Variants in TMEM117 observed in about 807,000 individuals in gnomAD.
The protein encoded by TMEM117 is transmembrane protein 117.
A neutral mutation model predicts 52.4 loss-of-function variants in TMEM117; 27 were observed. The ratio of observed to expected loss-of-function variants is 0.51; its 90% CI spans 0.38 to 0.71. The LOEUF (loss-of-function observed/expected upper bound fraction) is 0.71. Ranked by LOEUF, TMEM117 falls within the 30% of genes least tolerant of loss-of-function variation. TMEM117 has a pLI of 0.00. For missense variants in TMEM117, 556 were observed against 630.5 expected (o/e 0.88, Z 1.26); for synonymous variants, 215 against 206.3 (o/e 1.04, Z -0.36).
intron 2 of TMEM117, among the ~76,000 whole-genome samples, chr12:43,882,069 C>T (rs985826377): frequency 4.0e-5 from 6 of 151,532 alleles, no homozygotes; most frequent in Non-Finnish European, 7.4e-5. Context: ...AAGACTCCGT[C>T]TCAAAAAAAA....
the TMEM117 span, among the ~76,000 whole-genome samples, chr12:43,803,049 T>TG: frequency 6.6e-6 from 1 of 152,258 alleles, no homozygotes; most frequent in South Asian, 2.1e-4. Flanking sequence ...AATACAAAGG[T>TG]GTTCACTGCA....
chr12:43,918,446 A>G (rs1426714815), intron 2 of TMEM117, among the ~76,000 whole-genome samples: 1 of 152,180 alleles, frequency 6.6e-6, no homozygotes, highest in African/African-American at 2.4e-5. Flanking sequence ...ACAAAGGTTA[A>G]CAACCAGTCT....
At chr12:44,363,067 A>G (rs1951743811) in intron 6 of TMEM117, among the ~76,000 whole-genome samples, 1 of 152,068 alleles carries the variant, frequency 6.6e-6, no homozygotes, top group Middle Eastern at 3.2e-3. Flanking sequence ...CAAGACAGTA[A>G]TGTAAGGTCA....
chr12:44,162,919 A>T (rs113003559), intron 4 of TMEM117, among the ~76,000 whole-genome samples: 5 of 152,312 alleles, frequency 3.3e-5, no homozygotes, highest in African/African-American at 7.2e-5. Flanking sequence ...AAGAGATGTG[A>T]TCAGTGTATT....
At chr12:44,224,474 T>C (rs1949833172) in intron 5 of TMEM117, among the ~76,000 whole-genome samples, 2 of 151,978 alleles carry the variant, frequency 1.3e-5, no homozygotes, top group South Asian at 4.1e-4. Flanking sequence ...GTAATGATTT[T>C]TTTTTTTTAG....
At chr12:44,064,974 C>T (rs1191763878) in intron 3 of TMEM117, among the ~76,000 whole-genome samples, 1 of 151,944 alleles carries the variant, frequency 6.6e-6, no homozygotes, top group Non-Finnish European at 1.5e-5. Flanking sequence ...CATTTCACTG[C>T]ATATCAAAAT....
chr12:44,283,787 C>G (rs1798028), intron 5 of TMEM117, among the ~76,000 whole-genome samples: 19,332 of 151,972 alleles, frequency 0.13, 2,663 homozygotes, highest in African/African-American at 0.35. Flanking sequence ...AGAGGAGCCA[C>G]GGGCGGAATG....
intron 3 of TMEM117, among the ~76,000 whole-genome samples, chr12:43,991,234 T>C (rs1046885290): frequency 6.6e-6 from 1 of 152,196 alleles, no homozygotes; most frequent in African/African-American, 2.4e-5. Flanking sequence ...CCTCCAATTA[T>C]AAAGTCGTCG....
At chr12:44,308,813 G>T (rs1372210137) in intron 6 of TMEM117, among the ~76,000 whole-genome samples, 1 of 152,088 alleles carries the variant, frequency 6.6e-6, no homozygotes, top group Admixed American at 6.6e-5. Flanking sequence ...TAGAGACGGG[G>T]TTTCACCGTG....
chr12:44,352,283 G>GT (rs944256229), intron 6 of TMEM117, among the ~76,000 whole-genome samples: 2 of 151,452 alleles, frequency 1.3e-5, no homozygotes, highest in Non-Finnish European at 3.0e-5. Flanking sequence ...GTTTTGTTTT[G>GT]TTTTTTTGTT....
chr12:44,004,983 G>A (rs765442433), intron 3 of TMEM117, among the ~76,000 whole-genome samples: 4 of 152,090 alleles, frequency 2.6e-5, no homozygotes, highest in African/African-American at 4.8e-5. Flanking sequence ...CTTAAAAGCC[G>A]GACAAGTAGT....
At chr12:43,850,487 G>A (rs1565718304) in intron 2 of TMEM117, among the ~76,000 whole-genome samples, 1 of 152,170 alleles carries the variant, frequency 6.6e-6, no homozygotes, top group Admixed American at 6.5e-5. Flanking sequence ...GTTATCTCAT[G>A]TCCCAGTGTT....
At chr12:44,254,721 A>G (rs1050848922) in intron 5 of TMEM117, among the ~76,000 whole-genome samples, 2 of 152,078 alleles carry the variant, frequency 1.3e-5, no homozygotes, top group East Asian at 1.9e-4. Context: ...GGTTTGTTAC[A>G]TATGTATACA....
chr12:43,967,305 G>A (rs1344653425), intron 3 of TMEM117, among the ~76,000 whole-genome samples: 1 of 151,882 alleles, frequency 6.6e-6, no homozygotes, highest in Non-Finnish European at 1.5e-5. Flanking sequence ...TTTGTATTTT[G>A]TGTAGAAATG....
chr12:44,327,214 A>G (rs577166584), intron 6 of TMEM117, among the ~76,000 whole-genome samples: 13 of 152,348 alleles, frequency 8.5e-5, no homozygotes, highest in Non-Finnish European at 1.5e-4. Flanking sequence ...TTAAAAATTG[A>G]AGAGGTGATT....
At chr12:44,194,547 T>G (rs1396477248) in intron 4 of TMEM117, among the ~76,000 whole-genome samples, 5 of 152,188 alleles carry the variant, frequency 3.3e-5, no homozygotes, top group African/African-American at 1.2e-4. Context: ...TCCCAGCACT[T>G]AATCCACTTA....
chr12:44,283,831 A>G (rs1427131271), intron 5 of TMEM117, among the ~76,000 whole-genome samples: 4 of 152,150 alleles, frequency 2.6e-5, no homozygotes, highest in Non-Finnish European at 5.9e-5. Flanking sequence ...CCAAATCTCA[A>G]CTTGAATTGT....
At chr12:44,095,948 G>A (rs561045231) in intron 3 of TMEM117, among the ~76,000 whole-genome samples, 1 of 152,158 alleles carries the variant, frequency 6.6e-6, no homozygotes. Context: ...TAGACGACAT[G>A]ATTGTATATC....
At chr12:44,287,427 T>G (rs1276719923) in intron 5 of TMEM117, among the ~76,000 whole-genome samples, 3 of 152,140 alleles carry the variant, frequency 2.0e-5, no homozygotes. Context: ...AGAAGTATGG[T>G]CCAGATTAAA....
Sources: gnomAD v4.1 joint callset for allele counts (sites outside exome capture counted in the v4.1 genomes callset) on GRCh38, gnomAD v4.1.1 for gene constraint, MANE v1.5 for transcripts, NCBI Gene and HGNC (gene_info 2026-07-23, HGNC 2026-07-21) for gene names.